The following STXBP6 variants were observed in gnomAD, a reference collection of about 807,000 sequenced individuals.
The protein encoded by STXBP6 is syntaxin-binding protein 6.
STXBP6 carries 21 observed loss-of-function variants against 26.9 expected under a neutral mutation model. The ratio of observed to expected loss-of-function variants is 0.78; its 90% CI spans 0.55 to 1.12. STXBP6 has a LOEUF of 1.12. STXBP6 is among the 50% of genes most tolerant of loss of function. The pLI is 0.00. For missense variants in STXBP6, 232 were observed against 257.9 expected (o/e 0.90, Z 0.69); for synonymous variants, 97 against 92.6 (o/e 1.05, Z -0.27).
intron 2 of STXBP6, among the ~76,000 whole-genome samples, chr14:24,940,709 A>C (rs1348925910): frequency 6.6e-6 from 1 of 152,114 alleles, no homozygotes; most frequent in African/African-American, 2.4e-5. Flanking sequence ...CCCAACCCTA[A>C]ATAGACATTA....
At chr14:24,838,670 C>T (rs1465942606) in intron 4 of STXBP6, among the ~76,000 whole-genome samples, 3 of 150,906 alleles carry the variant, frequency 2.0e-5, no homozygotes, top group Admixed American at 6.6e-5. Flanking sequence ...GGTGACAGAT[C>T]GAGATCCCGT....
intron 2 of STXBP6, among the ~76,000 whole-genome samples, chr14:24,875,929 G>A (rs757638914): frequency 2.4e-4 from 37 of 152,166 alleles, no homozygotes; most frequent in Middle Eastern, 3.4e-3. Context: ...GTTCCTAAGC[G>A]TTGAAATAGT....
Position 24,829,749 on chromosome 14 carries a change from T to C in STXBP6, c.452-10555A>G, listed in dbSNP as rs562167042. On this transcript the variant is annotated intron_variant, in intron 4 of 5. Transcript: ENST00000323944. ...CAGCAGCAGGCTGGGAACACCGTTGTAGGCAAAATAGACATACTCTCCACA... is the reference window on the plus strand; with the variant it reads ...CAGCAGCAGGCTGGGAACACCGTTGCAGGCAAAATAGACATACTCTCCACA... Among the ~76,000 whole-genome samples the C allele has an allele frequency of 1.5e-4, 23 of 152,144 alleles. No individual in the cohort carries two copies. In the East Asian group the frequency reaches 3.5e-3, roughly 23 times the overall value.
At chr14:25,036,698 T>C (rs2075558897) in intron 1 of STXBP6, among the ~76,000 whole-genome samples, 1 of 151,456 alleles carries the variant, frequency 6.6e-6, no homozygotes, top group Non-Finnish European at 1.5e-5. Flanking sequence ...ACTAAAAATA[T>C]ACAAAAAATT....
Position 24,809,700 on chromosome 14 carries a change from G to C in STXBP6, c.*3009C>G, listed in dbSNP as rs906532467. On this transcript the variant is annotated 3_prime_UTR_variant, in exon 6 of 6. Transcript: ENST00000323944. ...TTTAATGACAAAATTAGGGTTTGTT[G>C]TAATAGTGAATCAATAGAGCAGGTG... 8 of 152,292 alleles carry C rather than the reference G, an allele frequency of 5.3e-5. 2 individuals are homozygous for C. The highest frequency in any genetic ancestry group is 3.9e-4 in the Admixed American group (6 of 15,306). The allele number at this position is 152,292 out of a possible 1,614,324, so 9.4% of individuals were successfully genotyped here. A position where few individuals can be genotyped will look rare whatever the true frequency, so the allele number is the denominator to read the frequency against.
intron 2 of STXBP6, among the ~76,000 whole-genome samples, chr14:24,968,131 T>G (rs1049711378): frequency 1.3e-4 from 20 of 149,364 alleles, no homozygotes; most frequent in African/African-American, 4.9e-4. Flanking sequence ...TTTTAAAAAT[T>G]TCTTAATTTC....
chr14:24,872,195 G>C (rs1049850317), intron 2 of STXBP6, among the ~76,000 whole-genome samples: 1 of 152,182 alleles, frequency 6.6e-6, no homozygotes, highest in Non-Finnish European at 1.5e-5. Flanking sequence ...TCTCTAGTAT[G>C]AATAAGAAAT....
intron 1 of STXBP6, among the ~76,000 whole-genome samples, chr14:24,978,167 T>C (rs540607192): frequency 4.5e-4 from 68 of 152,246 alleles, no homozygotes; most frequent in Non-Finnish European, 7.8e-4. Context: ...AATCTGATTG[T>C]ATGTCTGAAT....
intron 4 of STXBP6, among the ~76,000 whole-genome samples, chr14:24,853,563 T>G (rs1438797923): frequency 6.6e-6 from 1 of 152,096 alleles, no homozygotes; most frequent in Non-Finnish European, 1.5e-5. Flanking sequence ...TTACAGACTT[T>G]CAAAGTGATG....
At chr14:25,001,473 G>C (rs552113339) in intron 1 of STXBP6, among the ~76,000 whole-genome samples, 23 of 152,274 alleles carry the variant, frequency 1.5e-4, no homozygotes, top group African/African-American at 4.6e-4. Context: ...AATAGGGGTT[G>C]GTTGCCAGAA....
At chr14:24,903,576 T>C (rs1346705215) in intron 2 of STXBP6, among the ~76,000 whole-genome samples, 2 of 152,130 alleles carry the variant, frequency 1.3e-5, no homozygotes, top group Admixed American at 6.6e-5. Flanking sequence ...TAACTGAAAC[T>C]CCACATTTTA....
At chr14:24,866,532 T>A (rs2069728562) in intron 2 of STXBP6, among the ~76,000 whole-genome samples, 1 of 152,030 alleles carries the variant, frequency 6.6e-6, no homozygotes, top group Admixed American at 6.6e-5. Context: ...CAAAGACAAT[T>A]CCATTTACAA....
intron 1 of STXBP6, among the ~76,000 whole-genome samples, chr14:25,038,180 C>A (rs979484984): frequency 6.6e-6 from 1 of 152,060 alleles, no homozygotes; most frequent in Admixed American, 6.6e-5. Flanking sequence ...TAATGACAGA[C>A]CCCCATACAA....
In STXBP6 at chr14:25,049,791, G is replaced by T. The variant is rs974885849; in HGVS notation, c.-33+87C>A. ...CCACCCGCCTCGGACGGAGCGCCAG[G>T]CGCCCCAACAGCCGTGGCGGCTGCA... On this transcript the variant is annotated intron_variant, in intron 1 of 5. Transcript: ENST00000323944. The surrounding 1 kb of genome is among the most constrained non-coding windows in gnomAD (Gnocchi z 5.6). 9 of 985,614 alleles carry T rather than the reference G, an allele frequency of 9.1e-6. No individual in the cohort carries two copies. In the African/African-American group the frequency reaches 1.6e-4, roughly 17 times the overall value. The allele number at this position is 985,614 out of a possible 1,614,324, so 61.1% of individuals were successfully genotyped here.
chr14:24,992,202 T>G, intron 1 of STXBP6, among the ~76,000 whole-genome samples: 1 of 152,194 alleles, frequency 6.6e-6, no homozygotes, highest in East Asian at 1.9e-4. Context: ...CCCATCTTGT[T>G]CCACTTTCCT....
intron 1 of STXBP6, among the ~76,000 whole-genome samples, chr14:25,009,194 G>T (rs79896605): frequency 3.9e-4 from 59 of 152,232 alleles, no homozygotes; most frequent in African/African-American, 1.4e-3. Flanking sequence ...AGTTAAGGAC[G>T]TCTTAAAGCA....
intron 5 of STXBP6, among the ~76,000 whole-genome samples, chr14:24,814,867 T>TG (rs1386676130): frequency 6.6e-6 from 1 of 152,212 alleles, no homozygotes; most frequent in African/African-American, 2.4e-5. Flanking sequence ...GTGCCATCTA[T>TG]GAATCAAACA....
intron 2 of STXBP6, among the ~76,000 whole-genome samples, chr14:24,941,684 G>A (rs1021406854): frequency 2.0e-5 from 3 of 152,218 alleles, no homozygotes; most frequent in Non-Finnish European, 2.9e-5. Flanking sequence ...TAGCCCATGG[G>A]TATCTAGCCC....
At chr14:24,912,118 A>C (rs2071596591) in intron 2 of STXBP6, among the ~76,000 whole-genome samples, 1 of 152,194 alleles carries the variant, frequency 6.6e-6, no homozygotes, top group Non-Finnish European at 1.5e-5. Flanking sequence ...TCAAGCTAGT[A>C]TTGTACATAA....
Sources: gnomAD v4.1 joint callset for allele counts (sites outside exome capture counted in the v4.1 genomes callset) on GRCh38, gnomAD v4.1.1 for gene constraint, Gnocchi (gnomAD v3.1) non-coding constraint, MANE v1.5 for transcripts, NCBI Gene and HGNC (gene_info 2026-07-23, HGNC 2026-07-21) for gene names.